Variants in HTR3A observed in about 807,000 individuals in gnomAD.
HTR3A encodes 5-hydroxytryptamine receptor 3A.
In HTR3A, 45 loss-of-function variants were observed where a neutral mutation model predicts 54.8. That is an observed-to-expected ratio of 0.82 (90% confidence interval 0.65 to 1.05). HTR3A has a LOEUF of 1.05. Ranked by LOEUF, HTR3A falls within the 50% of genes least tolerant of loss-of-function variation. The pLI, the probability that HTR3A is intolerant of heterozygous loss-of-function variation, is 0.00. For synonymous variants in HTR3A, 297 were observed against 256.0 expected, an observed-to-expected ratio of 1.16 and a Z score of -1.53; for missense variants, 657 against 614.0, an observed-to-expected ratio of 1.07 and a Z score of -0.74.
At chr11:113,976,567 TAGTTTGTGTGTG>T (rs1346055085) in intron 1 of HTR3A, among the ~76,000 whole-genome samples, 1 of 84,018 alleles carries the variant, frequency 1.2e-5, no homozygotes, top group Non-Finnish European at 2.6e-5. Flanking sequence ...ACTTAAAAAA[TAGTTTGTGTGTG>T]TGTGTGTGTG....
intron 2 of HTR3A, among the ~76,000 whole-genome samples, chr11:113,978,704 C>T (rs1461141734): frequency 6.6e-6 from 1 of 152,152 alleles, no homozygotes; most frequent in Non-Finnish European, 1.5e-5. Flanking sequence ...ACATAAATCA[C>T]TGTTGGCAGA....
At chr11:113,986,313 T>C (rs772931714) in intron 6 of HTR3A, 138 bp downstream of exon 6, 68 of 1,197,498 alleles carry the variant, frequency 5.7e-5, no homozygotes, top group Admixed American at 1.5e-4. Context: ...GTGAAGTAGA[T>C]GGAGAAACTC....
At position 113,989,358 on chromosome 11, in the gene HTR3A, A is replaced by T; in HGVS notation, c.1139-107A>T. 7.7e-7 allele frequency: 1 copy of T among 1,304,758 alleles called. No individual in the cohort carries two copies. Among genetic ancestry groups the T allele is most frequent in the Non-Finnish European group, 1.1e-6 (1 of 905,514 alleles). 80.8% of individuals were successfully genotyped at this position (1,304,758 alleles called of 1,614,324 possible). ...AGCCTGGGTGACAGAGTGAGAAAAA[A>T]AAAGTTATTCCCAACAAAAATTTAC... On this transcript the variant is annotated intron_variant, in intron 8 of 8. Coordinates refer to ENST00000504030, the MANE Select transcript of HTR3A (RefSeq NM_000869.6). The surrounding 1 kb of genome is among the most constrained non-coding windows in gnomAD (Gnocchi z 4.4).
In HTR3A at chr11:113,983,105, CT is replaced by C; in HGVS notation, c.375-11del. On this transcript the variant is annotated splice_polypyrimidine_tract_variant and intron_variant, in intron 4 of 8. Transcript: ENST00000504030. ...GTCTCTTGAGCTCCCAAACTAACCCCTTTTCCCCCGCCAGCGTGGATGTGGG... is the reference window on the plus strand; with the variant it reads ...GTCTCTTGAGCTCCCAAACTAACCCCTTTCCCCCGCCAGCGTGGATGTGGG... 1 of 1,614,186 alleles carries C rather than the reference CT, an allele frequency of 6.2e-7. No homozygotes were observed.
chr11:113,986,296 A>T, intron 6 of HTR3A, 121 bp downstream of exon 6: 4 of 1,284,614 alleles, frequency 3.1e-6, no homozygotes, highest in Non-Finnish European at 4.5e-6. Flanking sequence ...ACACATCTGG[A>T]ACTTCAGTGA....
chr11:113,989,539 C>G lies in HTR3A; in HGVS notation c.1213C>G (p.Pro405Ala). ...EKSPRDRCSP[P>A]PPPREASLAV... is the part of the protein sequence containing the mutation. ...GAGCCCGAGGGACAGATGTAGCCCT[C>G]CCCCACCACCTCGGGAGGCCTCGCT... Residue 405 changes from proline (P) to alanine (A), a missense_variant, in exon 9 of 9, where the codon CCC becomes GCC. Coordinates refer to ENST00000504030, the MANE Select transcript of HTR3A (RefSeq NM_000869.6). This position sits in a 1 kb window ranked among gnomAD's most constrained non-coding sequence, Gnocchi z 4.4. 2 of 1,614,088 alleles carry G rather than the reference C, an allele frequency of 1.2e-6. No homozygotes were observed. The highest frequency in any genetic ancestry group is 1.7e-6 in the Non-Finnish European group (2 of 1,179,998).
Position 113,989,749 on chromosome 11 carries a change from T to C in HTR3A, c.1423T>C (p.Trp475Arg), listed in dbSNP as rs754906023. The C allele has an allele frequency of 1.9e-6, 3 of 1,611,360 alleles. No homozygotes were observed. Among genetic ancestry groups the C allele is most frequent in the Non-Finnish European group, 1.7e-6 (2 of 1,180,016 alleles). The change falls in exon 9 of 9, where the codon TGG becomes CGG. Residue 475 changes from tryptophan to arginine, a missense_variant. Transcript: ENST00000504030. This position sits in a 1 kb window ranked among gnomAD's most constrained non-coding sequence, Gnocchi z 4.4. ...SITLVMLWSI[W>R]QYA ...CACCCTGGTTATGCTCTGGTCCATC[T>C]GGCAGTACGCTTGAGTGGGTACAGC...
At position 113,986,714 on chromosome 11, in the gene HTR3A, G is replaced by T. The variant is rs1046689269; in HGVS notation, c.902G>T (p.Gly301Val). 2 of 1,614,122 alleles carry T rather than the reference G, an allele frequency of 1.2e-6. No homozygotes were observed. The highest frequency in any genetic ancestry group is 2.2e-5 in the East Asian group (1 of 44,876). The change falls in exon 7 of 9, where the codon GGC (glycine) becomes GTC (valine). Residue 301 changes from glycine (G) to valine (V), a missense_variant. By Grantham distance (109) the Gly-to-Val change is moderately radical. Transcript: ENST00000504030. ...GACACGCTGCCGGCCACTGCCATCG[G>T]CACTCCTCTCATTGGTAAGGCCCCT... ...VSDTLPATAI[G>V]TPLIGVYFVV... is the part of the protein sequence containing the mutation.
rs577159117 is a variant in HTR3A, at chr11:113,986,693, C to T, written c.881C>T (p.Thr294Met). ...YSVFLIIVSDTLPATAIGTPL... is the reference protein window; with the variant it reads ...YSVFLIIVSDMLPATAIGTPL... ...GTCTTCCTGATCATCGTTTCTGACA[C>T]GCTGCCGGCCACTGCCATCGGCACT... Residue 294 changes from threonine to methionine, a missense_variant, in exon 7 of 9, where the codon ACG (threonine) becomes ATG (methionine). By Grantham distance (81) the Thr-to-Met change is moderately conservative (BLOSUM62 -1). Transcript: ENST00000504030. 15 of 1,614,206 alleles carry T rather than the reference C, an allele frequency of 9.3e-6. No homozygotes were observed. The highest frequency in any genetic ancestry group is 3.3e-5 in the Admixed American group (2 of 60,024).
intron 4 of HTR3A, among the ~76,000 whole-genome samples, chr11:113,982,429 C>T (rs1289900329): frequency 6.6e-6 from 1 of 152,150 alleles, no homozygotes; most frequent in Non-Finnish European, 1.5e-5. Context: ...TCTGCTGGCT[C>T]TCCAGTTTCA....
At chr11:113,984,423 C>G (rs1463575800) in intron 5 of HTR3A, among the ~76,000 whole-genome samples, 1 of 151,938 alleles carries the variant, frequency 6.6e-6, no homozygotes, top group Non-Finnish European at 1.5e-5. Context: ...TGAGGCCAGT[C>G]TGAGCAACAT....
In HTR3A at chr11:113,989,719, A is replaced by G; in HGVS notation, c.1393A>G (p.Ser465Gly). 3 of 1,613,538 alleles carry G rather than the reference A, an allele frequency of 1.9e-6. No homozygotes were observed. Among genetic ancestry groups the G allele is most frequent in the Non-Finnish European group, 2.5e-6 (3 of 1,180,016 alleles). Residue 465 changes from serine (S) to glycine (G), a missense_variant, in exon 9 of 9, where the codon AGC becomes GGC. Ser to Gly is a moderately conservative substitution (Grantham distance 56). Coordinates refer to ENST00000504030, the MANE Select transcript of HTR3A (RefSeq NM_000869.6). This position sits in a 1 kb window ranked among gnomAD's most constrained non-coding sequence, Gnocchi z 4.4. ...TTACCTGCTAGCGGTGCTGGCCTACAGCATCACCCTGGTTATGCTCTGGTC... is the reference window on the plus strand; with the variant it reads ...TTACCTGCTAGCGGTGCTGGCCTACGGCATCACCCTGGTTATGCTCTGGTC... The part of the protein sequence containing the change: ...HIYLLAVLAY[S>G]ITLVMLWSIW...
intron 1 of HTR3A, among the ~76,000 whole-genome samples, chr11:113,976,017 G>C (rs1343459205): frequency 1.3e-5 from 2 of 152,148 alleles, no homozygotes; most frequent in African/African-American, 4.8e-5. Flanking sequence ...CTTGAATGTA[G>C]GGTGTTTTAG....
At chr11:113,986,263 C>T in intron 6 of HTR3A, 88 bp downstream of exon 6, 1 of 1,531,328 alleles carries the variant, frequency 6.5e-7, no homozygotes, top group Non-Finnish European at 9.0e-7. Context: ...ACTTCTATAG[C>T]CTTTTTCCAA....
In HTR3A at chr11:113,989,883, C is replaced by A; in HGVS notation, c.*120C>A. 1.8e-6 allele frequency: 2 copies of A among 1,135,122 alleles called. No individual in the cohort carries two copies. Among genetic ancestry groups the A allele is most frequent in the Non-Finnish European group, 1.3e-6 (1 of 765,250 alleles). The allele number at this position is 1,135,122 out of a possible 1,614,324, so 70.3% of individuals were successfully genotyped here. A position where few individuals can be genotyped will look rare whatever the true frequency, so the allele number is the denominator to read the frequency against. ...GACATTTTCAAGACACAGACAAAGT[C>A]CCGTGCCCTGTTTCCAATGCCAATT... On this transcript the variant is annotated 3_prime_UTR_variant, in exon 9 of 9. Transcript: ENST00000504030. This position sits in a 1 kb window ranked among gnomAD's most constrained non-coding sequence, Gnocchi z 4.4.
intron 5 of HTR3A, 117 bp downstream of exon 5, chr11:113,983,406 C>A: frequency 1.0e-6 from 1 of 999,338 alleles, no homozygotes; most frequent in Non-Finnish European, 1.6e-6. Context: ...ATGCCCTGGG[C>A]CTCTGCTTCC....
Position 113,989,543 on chromosome 11 carries a change from C to T in HTR3A, c.1217C>T (p.Pro406Leu), listed in dbSNP as rs771908921. Reference protein sequence around the residue: ...KSPRDRCSPPPPPREASLAVC... With the variant: ...KSPRDRCSPPLPPREASLAVC... ...CCGAGGGACAGATGTAGCCCTCCCC[C>T]ACCACCTCGGGAGGCCTCGCTGGCG... Residue 406 changes from proline to leucine, a missense_variant, in exon 9 of 9, where the codon CCA (proline) becomes CTA (leucine). Transcript: ENST00000504030. This position sits in a 1 kb window ranked among gnomAD's most constrained non-coding sequence, Gnocchi z 4.4. The T allele has an allele frequency of 3.1e-6, 5 of 1,614,204 alleles. No homozygotes were observed. In the South Asian group the frequency reaches 5.5e-5, roughly 18 times the overall value.
At chr11:113,983,023 C>T (rs553168632) in intron 4 of HTR3A, 97 bp from the exon 5 acceptor site, 6 of 1,442,558 alleles carry the variant, frequency 4.2e-6, no homozygotes, top group East Asian at 2.3e-5. Flanking sequence ...ATACCCTCCC[C>T]GAACTTCACT....
rs765949813 is a variant in HTR3A at position 113,977,816 on chromosome 11, C to T, written c.113C>T (p.Ser38Leu). Residue 38 changes from serine to leucine, a missense_variant, in exon 2 of 9, where the codon TCG becomes TTG. Coordinates refer to ENST00000504030, the MANE Select transcript of HTR3A (RefSeq NM_000869.6). ...NTTRPALLRL[S>L]DYLLTNYRKG... ...ACCAGGCCCGCTCTGCTGAGGCTGT[C>T]GGATTACCTTTTGACCAACTACAGG... 38 of 1,614,104 alleles carry T rather than the reference C, an allele frequency of 2.4e-5. No individual in the cohort carries two copies. The highest frequency in any genetic ancestry group is 3.3e-4 in the Middle Eastern group (2 of 6,062).
Sources: gnomAD v4.1 joint callset for allele counts (sites outside exome capture counted in the v4.1 genomes callset) on GRCh38, gnomAD v4.1.1 for gene constraint, Gnocchi (gnomAD v3.1) non-coding constraint, MANE v1.5 for transcripts, NCBI Gene and HGNC (gene_info 2026-07-23, HGNC 2026-07-21) for gene names.